The following NRBF2 variants were observed in gnomAD, a reference collection of about 807,000 sequenced individuals.
NRBF2 encodes nuclear receptor binding factor 2.
NRBF2 carries 12 observed loss-of-function variants against 28.5 expected under a neutral mutation model. The observed-to-expected ratio is 0.42, with a 90% CI of 0.27 to 0.68. The LOEUF (loss-of-function observed/expected upper bound fraction) is 0.68. Ranked by LOEUF, NRBF2 falls within the 30% of genes least tolerant of loss-of-function variation. The pLI is 0.24. For synonymous variants in NRBF2, 102 were observed against 116.5 expected, an observed-to-expected ratio of 0.88 and a Z score of 0.80; for missense variants, 274 against 333.5, an observed-to-expected ratio of 0.82 and a Z score of 1.39.
rs1000001717 is a variant in NRBF2 at position 63,133,481 on chromosome 10, TGGAA to T, written c.15_18del (p.Glu5AspfsTer17). 2 of 1,611,076 alleles carry T rather than the reference TGGAA, an allele frequency of 1.2e-6. No individual in the cohort carries two copies. The highest frequency in any genetic ancestry group is 1.3e-5 in the African/African-American group (1 of 74,606). On this transcript the variant is annotated frameshift_variant, in exon 1 of 4. Coordinates refer to ENST00000277746, the MANE Select transcript of NRBF2 (RefSeq NM_030759.5). LOFTEE classifies it high-confidence loss of function. ...CTTACCCCGGGGTCTATGGAAGTAA[TGGAA>T]GGACCCCTCAACCTGGTGAGTGTCC...
intron 1 of NRBF2, among the ~76,000 whole-genome samples, chr10:63,142,219 C>T (rs912548708): frequency 6.6e-6 from 1 of 152,036 alleles, no homozygotes; most frequent in East Asian, 1.9e-4. Context: ...AGAGTGTATC[C>T]ATAAGCCAGC....
chr10:63,138,668 C>T (rs750136931), intron 1 of NRBF2, among the ~76,000 whole-genome samples: 13 of 150,120 alleles, frequency 8.7e-5, no homozygotes, highest in African/African-American at 1.2e-4. Flanking sequence ...GGCCTGAACC[C>T]GGGAGGCAGA....
intron 2 of NRBF2, 27 bp from the exon 3 acceptor site, chr10:63,152,121 ATT>A: frequency 1.3e-6 from 2 of 1,584,034 alleles, no homozygotes; most frequent in Non-Finnish European, 1.7e-6. Flanking sequence ...GAAGACACAT[ATT>A]AACATGCCTA....
chr10:63,144,706 G>A (rs1022367375), intron 1 of NRBF2, among the ~76,000 whole-genome samples: 3 of 152,088 alleles, frequency 2.0e-5, no homozygotes, highest in African/African-American at 4.8e-5. Flanking sequence ...GTGAGCCACC[G>A]CGCCCGGCCA....
chr10:63,140,350 A>G (rs1416236338), intron 1 of NRBF2, among the ~76,000 whole-genome samples: 2 of 152,216 alleles, frequency 1.3e-5, no homozygotes, highest in Non-Finnish European at 2.9e-5. Context: ...TTGCCTAGGA[A>G]GTACACAGAG....
At chr10:63,139,063 G>A (rs1841422001) in intron 1 of NRBF2, among the ~76,000 whole-genome samples, 1 of 152,110 alleles carries the variant, frequency 6.6e-6, no homozygotes, top group Admixed American at 6.5e-5. Flanking sequence ...AGGCTGGAGT[G>A]CAATGGCGTA....
chr10:63,152,013 T>C, intron 2 of NRBF2, 137 bp from the exon 3 acceptor site: 1 of 532,260 alleles, frequency 1.9e-6, no homozygotes, highest in Middle Eastern at 3.9e-4. Context: ...TTAAGAATTC[T>C]TTTAAAAAAT....
chr10:63,148,982 A>G (rs1205749111), intron 2 of NRBF2, among the ~76,000 whole-genome samples: 1 of 152,234 alleles, frequency 6.6e-6, no homozygotes, highest in African/African-American at 2.4e-5. Flanking sequence ...TTGAAAACAA[A>G]TCTTAACCTA....
chr10:63,135,071 C>T (rs1206180871), intron 1 of NRBF2, among the ~76,000 whole-genome samples: 1 of 152,180 alleles, frequency 6.6e-6, no homozygotes, highest in Non-Finnish European at 1.5e-5. Context: ...CCTGTGGTCC[C>T]AGCTACTCGG....
In NRBF2 at chr10:63,154,134, T is replaced by G. The variant is rs769912565; in HGVS notation, c.780T>G (p.Asn260Lys). 6.2e-6 allele frequency: 10 copies of G among 1,613,730 alleles called. No individual in the cohort carries two copies. The highest frequency in any genetic ancestry group is 8.5e-6 in the Non-Finnish European group (10 of 1,179,790). The stretch of plus-strand genomic sequence containing the variant: ...AAGCCAAGGACATTCCAATCCCCAA[T>G]CTTCCTCCCTTGGATTTTCCATCTC... ...TGKAKDIPIP[N>K]LPPLDFPSPE... The change falls in exon 4 of 4, where the codon AAT becomes AAG. Residue 260 changes from asparagine (N) to lysine (K), a missense_variant. By Grantham distance (94) the Asn-to-Lys change is moderately conservative. Transcript: ENST00000277746.
intron 1 of NRBF2, among the ~76,000 whole-genome samples, chr10:63,142,108 C>G (rs1019892406): frequency 1.3e-5 from 2 of 151,992 alleles, no homozygotes; most frequent in African/African-American, 2.4e-5. Flanking sequence ...ACATAAATAT[C>G]CATACTAGAA....
intron 1 of NRBF2, among the ~76,000 whole-genome samples, chr10:63,135,922 G>A (rs566431805): frequency 1.3e-5 from 2 of 152,282 alleles, no homozygotes; most frequent in East Asian, 1.9e-4. Context: ...GGGATTACAG[G>A]CGTGAGCCAG....
intron 2 of NRBF2, 107 bp from the exon 3 acceptor site, chr10:63,152,043 A>T (rs956542192): frequency 3.9e-5 from 29 of 746,472 alleles, no homozygotes; most frequent in African/African-American, 3.3e-4. Flanking sequence ...TATCAGAGTT[A>T]TCAGACCAGT....
In NRBF2 at chr10:63,150,419, T is replaced by C. The variant is rs532824136; in HGVS notation, c.116-1731T>C. The C allele has an allele frequency of 1.1e-5, 10 of 886,142 alleles. No homozygotes were observed. The South Asian group carries it at 4.2e-4, about 37-fold the overall frequency. 54.9% of individuals were successfully genotyped at this position (886,142 alleles called of 1,614,324 possible). ...TGTTTTTTCTTTCCTTTTTTTTTTT[T>C]AAATTCTTTTTAAATTGATACAGGG... On this transcript the variant is annotated intron_variant, in intron 2 of 3. Coordinates refer to ENST00000277746, the MANE Select transcript of NRBF2 (RefSeq NM_030759.5).
intron 1 of NRBF2, among the ~76,000 whole-genome samples, chr10:63,136,067 C>T (rs1386921076): frequency 2.0e-5 from 3 of 151,826 alleles, no homozygotes; most frequent in Non-Finnish European, 4.4e-5. Flanking sequence ...TTACAGGCCT[C>T]TGGCACTCAG....
intron 1 of NRBF2, among the ~76,000 whole-genome samples, chr10:63,140,479 G>A (rs769796809): frequency 5.9e-5 from 9 of 152,124 alleles, no homozygotes; most frequent in Non-Finnish European, 1.0e-4. Context: ...GTGCAGTGGC[G>A]TAATCACGGC....
intron 1 of NRBF2, among the ~76,000 whole-genome samples, chr10:63,142,780 C>CTTTCTTTTTTTTTTTTTTTTTTTTT (rs1554821458): frequency 1.3e-5 from 1 of 74,898 alleles, no homozygotes; most frequent in African/African-American, 5.8e-5. Context: ...TTCTTTCTTT[C>CTTTCTTTTTTTTTTTTTTTTTTTTT]TTTTTTTTTT....
At chr10:63,151,307 A>G (rs962540843) in intron 2 of NRBF2, among the ~76,000 whole-genome samples, 1 of 152,250 alleles carries the variant, frequency 6.6e-6, no homozygotes, top group African/African-American at 2.4e-5. Flanking sequence ...CAATTCATTG[A>G]TAATAGAGAA....
At chr10:63,137,463 C>G (rs1047965869) in intron 1 of NRBF2, among the ~76,000 whole-genome samples, 1 of 152,154 alleles carries the variant, frequency 6.6e-6, no homozygotes, top group African/African-American at 2.4e-5. Flanking sequence ...TTATATGTGG[C>G]TGTTGCTCAT....
Sources: gnomAD v4.1 joint callset for allele counts (sites outside exome capture counted in the v4.1 genomes callset) on GRCh38, gnomAD v4.1.1 for gene constraint, MANE v1.5 for transcripts, NCBI Gene and HGNC (gene_info 2026-07-23, HGNC 2026-07-21) for gene names.